Variants in EPPK1 observed in about 807,000 individuals in gnomAD.
The protein encoded by EPPK1 is epiplakin.
For missense variants in EPPK1, 3,823 were observed against 3,673.3 expected (o/e 1.04, Z -1.05); for synonymous variants, 1,862 against 1,721.2 (o/e 1.08, Z -2.03).
Position 143,872,897 on chromosome 8 carries a change from A to C in EPPK1, c.357T>G (p.Thr119=), listed in dbSNP as rs1819403820. The C allele has an allele frequency of 6.2e-7, 1 of 1,605,184 alleles. No individual in the cohort carries two copies. Among genetic ancestry groups the C allele is most frequent in the African/African-American group, 1.3e-5 (1 of 74,188 alleles). The change falls in exon 2 of 2, where the codon ACT becomes ACG. Residue 119 remains threonine (T), a synonymous_variant. Coordinates refer to ENST00000615648, the MANE Select transcript of EPPK1 (RefSeq NM_031308.4). ...KEKLLAAERA[T]TGYPDPYGGE... ...CGCCGTAGGGGTCAGGATAGCCCGT[A>C]GTGGCACGCTCAGCGGCCAGCAGCT...
rs1819291930 is a variant in EPPK1 at position 143,870,153 on chromosome 8, T to C, written c.3101A>G (p.Glu1034Gly). ...AGCCTCCAGGAGGCGGGCAGCTTGC[T>C]CCCAAGGGATGAGACCTTTCTTCAT... is the stretch of plus-strand genomic sequence containing the variant. Reference protein sequence around the residue: ...QAMKKGLIPWEQAARLLEAQV... With the variant: ...QAMKKGLIPWGQAARLLEAQV... Residue 1034 changes from glutamate to glycine, a missense_variant, in exon 2 of 2, where the codon GAG becomes GGG. Physicochemically the swap from Glu to Gly is moderately conservative, Grantham distance 98 (BLOSUM62 -2). Transcript: ENST00000615648. This position sits in a 1 kb window ranked among gnomAD's most constrained non-coding sequence, Gnocchi z 5.2. 2 of 1,611,406 alleles carry C rather than the reference T, an allele frequency of 1.2e-6. No homozygotes were observed. The highest frequency in any genetic ancestry group is 1.7e-5 in the Admixed American group (1 of 59,872).
chr8:143,869,260 AG>A lies in EPPK1; in HGVS notation c.3993del (p.Ser1332LeufsTer62). 6.2e-7 allele frequency: 1 copy of A among 1,609,242 alleles called. No individual in the cohort carries two copies. On this transcript the variant is annotated frameshift_variant, in exon 2 of 2. Transcript: ENST00000615648. LOFTEE classifies it low-confidence loss of function (END_TRUNC). ...ERAAAGYPDP[Y>X]SRASLSLWQA... Reference sequence around the variant, plus strand: ...TGCCACAGAGAGAGGGAGGCCCTAGAGTAGGGATCTGGGTACCCGGCCGCCG... The same window carrying A: ...TGCCACAGAGAGAGGGAGGCCCTAGATAGGGATCTGGGTACCCGGCCGCCG...
Position 143,866,628 on chromosome 8 carries a change from T to G in EPPK1, c.6626A>C (p.Glu2209Ala), listed in dbSNP as rs1554659085. The G allele has an allele frequency of 6.2e-7, 1 of 1,612,968 alleles. No homozygotes were observed. The highest frequency in any genetic ancestry group is 8.5e-7 in the Non-Finnish European group (1 of 1,179,868). The change falls in exon 2 of 2, where the codon GAG becomes GCG. Residue 2209 changes from glutamate (E) to alanine (A), a missense_variant. Physicochemically the swap from Glu to Ala is moderately radical, Grantham distance 107. Coordinates refer to ENST00000615648, the MANE Select transcript of EPPK1 (RefSeq NM_031308.4). ...DLETGRSTTQ[E>A]LMEDDRVKRY... ...CTTGACGCGGTCGTCCTCCATGAGC[T>G]CTTGCGTCGTGCTCCGTCCCGTTTC...
In EPPK1 at chr8:143,866,411, C is replaced by G; in HGVS notation, c.6843G>C (p.Leu2281=). The change falls in exon 2 of 2, where the codon CTG becomes CTC. Residue 2281 remains leucine, a synonymous_variant. Transcript: ENST00000615648. ...FVIDPVRNLR[L]SVEEAVAAGV... The stretch of plus-strand genomic sequence containing the variant: ...CCGCGGCCACGGCCTCCTCCACCGA[C>G]AGCCTCAGGTTGCGCACGGGGTCGA... 1 of 1,165,868 alleles carries G rather than the reference C, an allele frequency of 8.6e-7. No individual in the cohort carries two copies. The highest frequency in any genetic ancestry group is 1.2e-6 in the Non-Finnish European group (1 of 861,584). 72.2% of individuals were successfully genotyped at this position (1,165,868 alleles called of 1,614,324 possible).
intron 1 of EPPK1, among the ~76,000 whole-genome samples, chr8:143,874,578 C>G (rs373332178): frequency 6.6e-6 from 1 of 152,306 alleles, no homozygotes; most frequent in East Asian, 1.9e-4. Context: ...ATCCTCCCCT[C>G]GAGCTCCGGA....
Position 143,868,305 on chromosome 8 carries a change from G to A in EPPK1, c.4949C>T (p.Thr1650Ile). The A allele has an allele frequency of 6.2e-7, 1 of 1,613,186 alleles. No individual in the cohort carries two copies. Among genetic ancestry groups the A allele is most frequent in the Non-Finnish European group, 8.5e-7 (1 of 1,180,020 alleles). ...CCCGGTATAGGGGTCGGTGTAGCCG[G>A]TGACGGCGCGCTCGGCCGACAGCAG... The part of the protein sequence containing the change: ...VKLLSAERAV[T>I]GYTDPYTGQQ... The change falls in exon 2 of 2, where the codon ACC becomes ATC. Residue 1650 changes from threonine (T) to isoleucine (I), a missense_variant. Transcript: ENST00000615648.
At position 143,867,897 on chromosome 8, in the gene EPPK1, A is replaced by G; in HGVS notation, c.5357T>C (p.Val1786Ala). The part of the protein sequence containing the change: ...VLQSRTAKMR[V>A]GRFADQVVSF... ...GACCACCTGGTCAGCAAACCTCCCC[A>G]CGCGCATTTTTGCAGTTCTGGATTG... Residue 1786 changes from valine to alanine, a missense_variant, in exon 2 of 2, where the codon GTG becomes GCG. Physicochemically the swap from Val to Ala is moderately conservative, Grantham distance 64. Transcript: ENST00000615648. 6 of 1,613,118 alleles carry G rather than the reference A, an allele frequency of 3.7e-6. No homozygotes were observed. Among genetic ancestry groups the G allele is most frequent in the Non-Finnish European group, 5.1e-6 (6 of 1,179,676 alleles).
At position 143,871,636 on chromosome 8, in the gene EPPK1, T is replaced by C. The variant is rs1563887021; in HGVS notation, c.1618A>G (p.Lys540Glu). Residue 540 changes from lysine to glutamate, a missense_variant, in exon 2 of 2, where the codon AAG becomes GAG. Coordinates refer to ENST00000615648, the MANE Select transcript of EPPK1 (RefSeq NM_031308.4). ...GTGGCGCTCAGCTTAGCGGCCAGCT[T>C]CTCCACGGAGAGGGTCCCTTCCTGG... Reference protein sequence around the residue: ...QYQEGTLSVEKLAAKLSATLE... With the variant: ...QYQEGTLSVEELAAKLSATLE... 6.2e-7 allele frequency: 1 copy of C among 1,603,994 alleles called. No homozygotes were observed. Among genetic ancestry groups the C allele is most frequent in the African/African-American group, 1.3e-5 (1 of 74,870 alleles).
chr8:143,867,309 G>C lies in EPPK1; in HGVS notation c.5945C>G (p.Ala1982Gly). The change falls in exon 2 of 2, where the codon GCC becomes GGC. Residue 1982 changes from alanine to glycine, a missense_variant. Transcript: ENST00000615648. ...GAACAGCGGGATCGTGTCTCCTGTGGCCGGATCCCTGTAGCCCGTGGCAGC... is the reference window on the plus strand; with the variant it reads ...GAACAGCGGGATCGTGTCTCCTGTGCCCGGATCCCTGTAGCCCGTGGCAGC... ...ERAATGYRDPATGDTIPLFQA... is the reference protein window; with the variant it reads ...ERAATGYRDPGTGDTIPLFQA... The C allele has an allele frequency of 6.2e-7, 1 of 1,612,610 alleles. No individual in the cohort carries two copies. Among genetic ancestry groups the C allele is most frequent in the Non-Finnish European group, 8.5e-7 (1 of 1,179,750 alleles).
Position 143,867,664 on chromosome 8 carries a change from C to G in EPPK1, c.5590G>C (p.Val1864Leu), listed in dbSNP as rs143485250. ...GTGTGCAGGGTCTTCTGATCGATGACCCTGGAGTTGAACAGGTCTGCAGCT... is the reference window on the plus strand; with the variant it reads ...GTGTGCAGGGTCTTCTGATCGATGAGCCTGGAGTTGAACAGGTCTGCAGCT... ...VTAADLFNSR[V>L]IDQKTLHTLR... The change falls in exon 2 of 2, where the codon GTC becomes CTC. Residue 1864 changes from valine to leucine, a missense_variant. Val to Leu is a conservative substitution (Grantham distance 32, BLOSUM62 1). Transcript: ENST00000615648. 1.9e-6 allele frequency: 3 copies of G among 1,613,338 alleles called. No homozygotes were observed. In the African/African-American group the frequency reaches 4.0e-5, roughly 22 times the overall value.
intron 1 of EPPK1, among the ~76,000 whole-genome samples, chr8:143,877,619 T>C (rs565675101): frequency 2.0e-5 from 3 of 152,026 alleles, no homozygotes; most frequent in Admixed American, 1.3e-4. Flanking sequence ...GGGACAAAGG[T>C]TGGGGAGGCT....
In EPPK1 at chr8:143,866,050, G is replaced by A; in HGVS notation, c.7204C>T (p.Arg2402Cys). Residue 2402 changes from arginine to cysteine, a missense_variant, in exon 2 of 2, where the codon CGC becomes TGC. By Grantham distance (180) the Arg-to-Cys change is radical (BLOSUM62 -3). Coordinates refer to ENST00000615648, the MANE Select transcript of EPPK1 (RefSeq NM_031308.4). ...HENLTYVQLL[R>C]RCVPDPDTGL... ...GTGTCCGGGTCGGGCACGCAGCGGCGCAGCAGCTGCACGTACGTGAGGTTC... is the reference window on the plus strand; with the variant it reads ...GTGTCCGGGTCGGGCACGCAGCGGCACAGCAGCTGCACGTACGTGAGGTTC... 2 of 193,096 alleles carry A rather than the reference G, an allele frequency of 1.0e-5. No homozygotes were observed. Among genetic ancestry groups the A allele is most frequent in the East Asian group, 1.3e-4 (1 of 7,928 alleles). 12.0% of individuals were successfully genotyped at this position (193,096 alleles called of 1,614,324 possible).
At position 143,872,498 on chromosome 8, in the gene EPPK1, G is replaced by A. The variant is rs1554661597; in HGVS notation, c.756C>T (p.Ile252=). 1 of 1,595,736 alleles carries A rather than the reference G, an allele frequency of 6.3e-7. No homozygotes were observed. The highest frequency in any genetic ancestry group is 8.5e-7 in the Non-Finnish European group (1 of 1,175,608). Residue 252 remains isoleucine (I), a synonymous_variant, in exon 2 of 2, where the codon ATC becomes ATT. Coordinates refer to ENST00000615648, the MANE Select transcript of EPPK1 (RefSeq NM_031308.4). Reference sequence around the variant, plus strand: ...GACCCTGCACAGCCTGCTCGTCCAGGATGCCCACCTCCAGCAGCTCAGCTG... The same window carrying A: ...GACCCTGCACAGCCTGCTCGTCCAGAATGCCCACCTCCAGCAGCTCAGCTG... ...VSAAELLEVG[I]LDEQAVQGLR...
rs782230047 is a variant in EPPK1, at chr8:143,867,758, G to C, written c.5496C>G (p.Thr1832=). 17 of 1,613,580 alleles carry C rather than the reference G, an allele frequency of 1.1e-5. No individual in the cohort carries two copies. Among genetic ancestry groups the C allele is most frequent in the South Asian group, 3.3e-5 (3 of 91,084 alleles). ...GCGTCTCTGTTTCTTCAATTGTCGT[G>C]GTGATGATTTCCAGCAATTTCTCCA... is the stretch of plus-strand genomic sequence containing the variant. The part of the protein sequence containing the change: ...GGLEKLLEII[T]TTIEETETQN... The change falls in exon 2 of 2, where the codon ACC becomes ACG. Residue 1832 remains threonine, a synonymous_variant. Coordinates refer to ENST00000615648, the MANE Select transcript of EPPK1 (RefSeq NM_031308.4).
intron 1 of EPPK1, among the ~76,000 whole-genome samples, chr8:143,878,073 C>G (rs2130664315): frequency 6.6e-6 from 1 of 152,234 alleles, no homozygotes; most frequent in South Asian, 2.1e-4. Context: ...AGAGCGTGCC[C>G]CGGGCGGTCC....
In EPPK1 at chr8:143,868,876, C is replaced by T. The variant is rs1819235130; in HGVS notation, c.4378G>A (p.Gly1460Arg). Residue 1460 changes from glycine to arginine, a missense_variant, in exon 2 of 2, where the codon GGG (glycine) becomes AGG (arginine). Coordinates refer to ENST00000615648, the MANE Select transcript of EPPK1 (RefSeq NM_031308.4). ...LRAMKVPVST[G>R]RFKGCSVSLW... is the part of the protein sequence containing the mutation. ...GACACGCTACACCCCTTAAACCTCCCTGTGCTGACGGGCACCTTCATGGCC... is the reference window on the plus strand; with the variant it reads ...GACACGCTACACCCCTTAAACCTCCTTGTGCTGACGGGCACCTTCATGGCC... 6.2e-7 allele frequency: 1 copy of T among 1,610,742 alleles called. No individual in the cohort carries two copies. Among genetic ancestry groups the T allele is most frequent in the Non-Finnish European group, 8.5e-7 (1 of 1,179,840 alleles).
intron 1 of EPPK1, among the ~76,000 whole-genome samples, chr8:143,874,620 C>T (rs922808441): frequency 1.3e-5 from 2 of 152,192 alleles, no homozygotes; most frequent in Admixed American, 6.5e-5. Context: ...CCTCGCCTTC[C>T]GGCTTCTGGC....
chr8:143,864,556 G>T lies in EPPK1; in HGVS notation c.8698C>A (p.Gln2900Lys). 1 of 781,798 alleles carries T rather than the reference G, an allele frequency of 1.3e-6. No homozygotes were observed. The highest frequency in any genetic ancestry group is 2.6e-5 in the South Asian group (1 of 39,070). 48.4% of individuals were successfully genotyped at this position (781,798 alleles called of 1,614,324 possible). A position where few individuals can be genotyped will look rare whatever the true frequency, so the allele number is the denominator to read the frequency against. The change falls in exon 2 of 2, where the codon CAG becomes AAG. Residue 2900 changes from glutamine (Q) to lysine (K), a missense_variant. Gln to Lys is a moderately conservative substitution (Grantham distance 53, BLOSUM62 1). Transcript: ENST00000615648. Reference protein sequence around the residue: ...SHRVPVDVAYQRGYFDEEMNR... With the variant: ...SHRVPVDVAYKRGYFDEEMNR... ...ATCTCCTCGTCGAAGTAGCCGCGCT[G>T]GTAGGCCACGTCCACGGGCACGCGG...
rs782805448 is a variant in EPPK1, at chr8:143,868,773, C to T, written c.4481G>A (p.Arg1494Lys). 1 of 1,597,200 alleles carries T rather than the reference C, an allele frequency of 6.3e-7. No individual in the cohort carries two copies. The highest frequency in any genetic ancestry group is 8.5e-7 in the Non-Finnish European group (1 of 1,176,794). ...RELVALCRSG[R>K]AAALRQVVSA... ...GACCACCTGCCGCAGGGCCGCAGCC[C>T]TCCCAGACCGACAGAGTGCCACCAG... The change falls in exon 2 of 2, where the codon AGG (arginine) becomes AAG (lysine). Residue 1494 changes from arginine to lysine, a missense_variant. Arg to Lys is a conservative substitution (Grantham distance 26, BLOSUM62 2). Transcript: ENST00000615648.
Sources: allele counts gnomAD v4.1 joint callset (sites outside exome capture counted in the v4.1 genomes callset), GRCh38; gene constraint gnomAD v4.1.1; non-coding constraint Gnocchi (gnomAD v3.1); transcripts MANE v1.5; gene names NCBI Gene and HGNC (gene_info 2026-07-23, HGNC 2026-07-21).